Variants in SETBP1 observed in about 807,000 individuals in gnomAD.
SETBP1 encodes SET-binding protein.
In SETBP1, 9 loss-of-function variants were observed where a neutral mutation model predicts 101.0. The ratio of observed to expected loss-of-function variants is 0.09; its 90% CI spans 0.05 to 0.16. The LOEUF is 0.16. Ranked by LOEUF, SETBP1 falls within the 10% of genes least tolerant of loss-of-function variation. The pLI is 1.00. For missense variants in SETBP1, 1,858 were observed against 2,033.8 expected (o/e 0.91, Z 1.66); for synonymous variants, 818 against 788.5 (o/e 1.04, Z -0.63).
intron 2 of SETBP1, among the ~76,000 whole-genome samples, chr18:44,767,810 G>A (rs547253720): frequency 1.1e-4 from 17 of 152,244 alleles, no homozygotes; most frequent in African/African-American, 1.4e-4. Context: ...CGAAATAGAC[G>A]TTTCATAGAG....
chr18:44,756,267 C>T (rs917424881), intron 2 of SETBP1, among the ~76,000 whole-genome samples: 1 of 151,958 alleles, frequency 6.6e-6, no homozygotes, highest in Non-Finnish European at 1.5e-5. Context: ...AAGCGTTTCT[C>T]AGGGTCTTCC....
intron 2 of SETBP1, among the ~76,000 whole-genome samples, chr18:44,776,991 A>G (rs951598337): frequency 2.0e-5 from 3 of 152,194 alleles, no homozygotes; most frequent in Non-Finnish European, 4.4e-5. Flanking sequence ...TGAGGAAGGC[A>G]GAGATGCTTT....
chr18:44,727,186 CTGTGTG>C (rs56695366), intron 2 of SETBP1, among the ~76,000 whole-genome samples: 1 of 145,188 alleles, frequency 6.9e-6, no homozygotes, highest in South Asian at 2.3e-4. Flanking sequence ...TATTTGATCA[CTGTGTG>C]TGTGTGTGTG....
chr18:45,006,810 A>T (rs1417541338), intron 4 of SETBP1, among the ~76,000 whole-genome samples: 1 of 152,174 alleles, frequency 6.6e-6, no homozygotes, highest in Non-Finnish European at 1.5e-5. Flanking sequence ...ACACAATTCA[A>T]CCCACAATAG....
At chr18:44,919,504 C>T (rs1483218780) in intron 3 of SETBP1, among the ~76,000 whole-genome samples, 1 of 152,024 alleles carries the variant, frequency 6.6e-6, no homozygotes, top group Non-Finnish European at 1.5e-5. Flanking sequence ...TGCACACCAC[C>T]ACACCCAGCT....
intron 2 of SETBP1, among the ~76,000 whole-genome samples, chr18:44,858,088 C>T (rs1021184403): frequency 3.9e-5 from 6 of 152,088 alleles, no homozygotes; most frequent in Admixed American, 3.3e-4. Flanking sequence ...TAACAAAGGA[C>T]GAGGAAGTAT....
rs746035183 is a variant in SETBP1, at chr18:44,951,095, G to A, written c.1755G>A (p.Lys585=). 3.1e-6 allele frequency: 5 copies of A among 1,614,006 alleles called. No homozygotes were observed. In the East Asian group the frequency reaches 1.1e-4, roughly 36 times the overall value. Residue 585 remains lysine (K), a synonymous_variant, in exon 4 of 6, where the codon AAG becomes AAA. Transcript: ENST00000649279. This position sits in a 1 kb window ranked among gnomAD's most constrained non-coding sequence, Gnocchi z 7.8. Reference sequence around the variant, plus strand: ...TTACTGTGATCACTCCAGTCAAAAAGAAGCGGGGACGACCAAAGAAGCAGC... The same window carrying A: ...TTACTGTGATCACTCCAGTCAAAAAAAAGCGGGGACGACCAAAGAAGCAGC... ...DSLTVITPVK[K]KRGRPKKQPL...
chr18:44,931,313 A>G (rs1182855144), intron 3 of SETBP1, among the ~76,000 whole-genome samples: 1 of 152,146 alleles, frequency 6.6e-6, no homozygotes, highest in Non-Finnish European at 1.5e-5. Context: ...ACAGTTTGTT[A>G]TAATTTCTGT....
chr18:44,732,551 T>C (rs150928481), intron 2 of SETBP1: 1 of 152,360 alleles, frequency 6.6e-6, no homozygotes, highest in East Asian at 1.9e-4. Flanking sequence ...TTTAGACCCT[T>C]CTGCCGAGAA....
At chr18:44,905,789 A>G (rs775305823) in intron 3 of SETBP1, among the ~76,000 whole-genome samples, 8 of 152,232 alleles carry the variant, frequency 5.3e-5, no homozygotes, top group Non-Finnish European at 1.0e-4. Context: ...TAACATCAAC[A>G]GGTGTCACAC....
intron 4 of SETBP1, chr18:44,986,687 C>A (rs945224881): frequency 6.6e-6 from 1 of 151,424 alleles, no homozygotes; most frequent in African/African-American, 2.4e-5. Flanking sequence ...TTCACCTAGG[C>A]CTACATAGCA....
intron 3 of SETBP1, among the ~76,000 whole-genome samples, chr18:44,887,256 A>T (rs549448156): frequency 6.6e-6 from 1 of 152,286 alleles, no homozygotes; most frequent in South Asian, 2.1e-4. Flanking sequence ...CTCATTGCTC[A>T]TGCAGCATCT....
At chr18:44,693,239 C>T (rs976994983) in intron 1 of SETBP1, among the ~76,000 whole-genome samples, 3 of 152,126 alleles carry the variant, frequency 2.0e-5, no homozygotes, top group African/African-American at 4.8e-5. Flanking sequence ...CAACATTCAC[C>T]GAATGAGTAA....
At chr18:44,781,520 G>T (rs1168247758) in intron 2 of SETBP1, among the ~76,000 whole-genome samples, 3 of 110,894 alleles carry the variant, frequency 2.7e-5, no homozygotes, top group African/African-American at 7.3e-5. Flanking sequence ...CCCCACCTCT[G>T]TCTCTCTCTA....
intron 2 of SETBP1, among the ~76,000 whole-genome samples, chr18:44,837,916 C>T (rs1357080007): frequency 1.3e-5 from 2 of 152,144 alleles, no homozygotes; most frequent in African/African-American, 4.8e-5. Flanking sequence ...CTCCTCTAGT[C>T]ACACTAGAGG....
chr18:44,945,107 G>A (rs1164217892), intron 3 of SETBP1, among the ~76,000 whole-genome samples: 1 of 151,904 alleles, frequency 6.6e-6, no homozygotes, highest in Admixed American at 6.6e-5. Context: ...CCATTAACTC[G>A]TCATTTACAT....
chr18:44,824,488 C>T (rs914090376), intron 2 of SETBP1, among the ~76,000 whole-genome samples: 1 of 152,154 alleles, frequency 6.6e-6, no homozygotes, highest in African/African-American at 2.4e-5. Context: ...ATAATTTTAA[C>T]AATATCACCT....
At chr18:44,990,609 A>G (rs567324033) in intron 4 of SETBP1, among the ~76,000 whole-genome samples, 1 of 151,808 alleles carries the variant, frequency 6.6e-6, no homozygotes, top group South Asian at 2.1e-4. Flanking sequence ...AAACAAACAA[A>G]CAAACAAACA....
intron 2 of SETBP1, among the ~76,000 whole-genome samples, chr18:44,712,301 C>T (rs188419066): frequency 9.3e-4 from 141 of 152,256 alleles, no homozygotes; most frequent in African/African-American, 3.3e-3. Context: ...CAGCTCTGTC[C>T]CTCCAGGTGG....
Sources: gnomAD v4.1 joint callset for allele counts (sites outside exome capture counted in the v4.1 genomes callset) on GRCh38, gnomAD v4.1.1 for gene constraint, Gnocchi (gnomAD v3.1) non-coding constraint, MANE v1.5 for transcripts, NCBI Gene and HGNC (gene_info 2026-07-23, HGNC 2026-07-21) for gene names.